SH3RF1: variants seen among roughly 807,000 people sequenced by gnomAD.
SH3RF1 encodes E3 ubiquitin-protein ligase SH3RF1.
Under a neutral mutation model 74.0 loss-of-function variants are expected in SH3RF1, and 32 were observed. That is an observed-to-expected ratio of 0.43 (90% CI 0.33 to 0.58). SH3RF1 has a LOEUF of 0.58. Ranked by LOEUF, SH3RF1 falls within the 20% of genes least tolerant of loss-of-function variation. SH3RF1 has a pLI of 0.05. For missense variants in SH3RF1, 954 were observed against 1,130.9 expected (o/e 0.84, Z 2.24); for synonymous variants, 396 against 439.6 (o/e 0.90, Z 1.24).
rs746628451 is a variant in SH3RF1, at chr4:169,130,089, G to C, written c.1136C>G (p.Ser379Trp). The C allele has an allele frequency of 6.2e-7, 1 of 1,613,434 alleles. No individual in the cohort carries two copies. Among genetic ancestry groups the C allele is most frequent in the Non-Finnish European group, 8.5e-7 (1 of 1,179,816 alleles). ...PPSSPVTTGP[S>W]FTFPSDVPYQ... is the part of the protein sequence containing the mutation. ...GGGAACATCTGATGGGAAAGTAAAC[G>C]AGGGGCCAGTTGTCACTGGGCTGCT... The change falls in exon 6 of 12, where the codon TCG becomes TGG. Residue 379 changes from serine (S) to tryptophan (W), a missense_variant. Around this residue, in one of 3 missense-constraint regions of SH3RF1, gnomAD observed 854 missense variants for 962.5 expected, o/e 0.89. Coordinates refer to ENST00000284637, the MANE Select transcript of SH3RF1 (RefSeq NM_020870.4).
chr4:169,197,593 C>T (rs573367927), intron 2 of SH3RF1, among the ~76,000 whole-genome samples: 1 of 131,384 alleles, frequency 7.6e-6, no homozygotes, highest in South Asian at 2.6e-4. Flanking sequence ...CACTGTACTC[C>T]AGCCTGGGCG....
intron 4 of SH3RF1, among the ~76,000 whole-genome samples, chr4:169,138,968 G>T (rs189868144): frequency 1.3e-5 from 2 of 152,084 alleles, no homozygotes; most frequent in African/African-American, 2.4e-5. Flanking sequence ...TGGGGGGACT[G>T]GGGGGAAAGG....
intron 10 of SH3RF1, among the ~76,000 whole-genome samples, chr4:169,107,708 A>G (rs1733169624): frequency 6.6e-6 from 1 of 152,256 alleles, no homozygotes; most frequent in South Asian, 2.1e-4. Flanking sequence ...TAAACCTGAC[A>G]GCACTCTATT....
chr4:169,172,764 A>T (rs1579118996), intron 2 of SH3RF1, among the ~76,000 whole-genome samples: 1 of 152,108 alleles, frequency 6.6e-6, no homozygotes, highest in Admixed American at 6.6e-5. Flanking sequence ...GGAGAGAAAG[A>T]CCCACCAATT....
chr4:169,099,410 G>A (rs1248821750), intron 11 of SH3RF1, among the ~76,000 whole-genome samples: 3 of 152,150 alleles, frequency 2.0e-5, no homozygotes, highest in African/African-American at 7.2e-5. Flanking sequence ...TTAAAAGCAA[G>A]ACAAATAATT....
chr4:169,117,554 T>C lies in SH3RF1; in HGVS notation c.1746A>G (p.Thr582=), dbSNP rs774162884. ...KVLLHMTGQM[T]VNQARNAVRT... ...TCACAGCATTGCGGGCCTGGTTGAC[T>C]GTCATTTGCCCCGTCATGTGCAACA... The change falls in exon 9 of 12, where the codon ACA becomes ACG. Residue 582 remains threonine (T), a synonymous_variant. Transcript: ENST00000284637. The C allele has an allele frequency of 1.2e-6, 2 of 1,614,270 alleles. No homozygotes were observed. Among genetic ancestry groups the C allele is most frequent in the African/African-American group, 1.3e-5 (1 of 75,080 alleles).
rs1337962236 is a variant in SH3RF1 at position 169,096,336 on chromosome 4, C to A, written c.*183G>T. On this transcript the variant is annotated 3_prime_UTR_variant, in exon 12 of 12. Transcript: ENST00000284637. ...TACATCCGAATCCAGACTAACAAAA[C>A]CCACACAAACATCTTCTTCATTCTG... The A allele has an allele frequency of 3.3e-6, 2 of 612,202 alleles. No individual in the cohort carries two copies. The highest frequency in any genetic ancestry group is 5.5e-6 in the Non-Finnish European group (2 of 360,698). The allele number at this position is 612,202 out of a possible 1,614,324, so 37.9% of individuals were successfully genotyped here. A position where few individuals can be genotyped will look rare whatever the true frequency, so the allele number is the denominator to read the frequency against.
chr4:169,247,920 G>T (rs1731030893), intron 2 of SH3RF1, among the ~76,000 whole-genome samples: 1 of 152,108 alleles, frequency 6.6e-6, no homozygotes. Flanking sequence ...TTAGAGAAAT[G>T]CAAATCAAAG....
intron 2 of SH3RF1, among the ~76,000 whole-genome samples, chr4:169,248,497 G>A (rs1013868180): frequency 4.6e-5 from 7 of 152,084 alleles, no homozygotes; most frequent in African/African-American, 1.7e-4. Context: ...TGGGGTGGGA[G>A]GCAAGGAAAG....
At position 169,096,602 on chromosome 4, in the gene SH3RF1, G is replaced by A. The variant is rs757448855; in HGVS notation, c.2584C>T (p.Arg862Ter). 5 of 1,613,916 alleles carry A rather than the reference G, an allele frequency of 3.1e-6. No homozygotes were observed. The African/African-American group carries it at 5.3e-5, about 17-fold the overall frequency. The change falls in exon 12 of 12, where the codon CGA becomes TGA. Residue 862 changes from arginine (R) to a stop codon, truncating the protein, a stop_gained. Transcript: ENST00000284637. LOFTEE classifies it high-confidence loss of function. ...EGDIVFVHKK[R>*]EDGWFKGTLQ... ...GTGCCTTTGAACCAGCCATCCTCTC[G>A]TTTTTTATGAACAAACACAATATCT...
chr4:169,114,684 TAAC>T (rs1325693784), intron 10 of SH3RF1, among the ~76,000 whole-genome samples: 2 of 152,222 alleles, frequency 1.3e-5, no homozygotes, highest in Non-Finnish European at 2.9e-5. Flanking sequence ...ATAAATATAT[TAAC>T]AAAGTTGAAC....
chr4:169,116,226 GAAGT>G, intron 10 of SH3RF1, 39 bp downstream of exon 10: 2 of 1,542,004 alleles, frequency 1.3e-6, no homozygotes, highest in Non-Finnish European at 1.7e-6. Context: ...GAAAAACAGG[GAAGT>G]AAGTAAAGCA....
chr4:169,260,972 G>C (rs1731268679), intron 2 of SH3RF1, among the ~76,000 whole-genome samples: 1 of 152,112 alleles, frequency 6.6e-6, no homozygotes, highest in Non-Finnish European at 1.5e-5. Flanking sequence ...AGAGAGGTTG[G>C]TACTCCACTC....
chr4:169,105,120 T>C (rs753155605), intron 11 of SH3RF1, among the ~76,000 whole-genome samples: 10 of 152,056 alleles, frequency 6.6e-5, no homozygotes, highest in African/African-American at 9.7e-5. Context: ...CATAACACTT[T>C]ATAGTAAGAT....
intron 2 of SH3RF1, among the ~76,000 whole-genome samples, chr4:169,197,808 C>T (rs1734841643): frequency 6.6e-6 from 1 of 151,964 alleles, no homozygotes; most frequent in Non-Finnish European, 1.5e-5. Flanking sequence ...GAAATTTCTT[C>T]AGCGCTTTTT....
At chr4:169,205,328 G>A (rs1730236682) in intron 2 of SH3RF1, among the ~76,000 whole-genome samples, 1 of 152,204 alleles carries the variant, frequency 6.6e-6, no homozygotes, top group Admixed American at 6.5e-5. Context: ...ACATGTGTAT[G>A]TCTTTGGAGA....
At chr4:169,249,102 C>T (rs1731057093) in intron 2 of SH3RF1, among the ~76,000 whole-genome samples, 1 of 152,122 alleles carries the variant, frequency 6.6e-6, no homozygotes, top group Non-Finnish European at 1.5e-5. Flanking sequence ...GTGGTGGGCG[C>T]CTGTAGTCCC....
rs144187577 is a variant in SH3RF1, at chr4:169,157,927, T to C, written c.394-1248A>G. Reference sequence around the variant, plus strand: ...GGCTCATTTTTGTATTTTTACAAAATGGGGTCTCGCCATGTTGGCCAGGCT... The same window carrying C: ...GGCTCATTTTTGTATTTTTACAAAACGGGGTCTCGCCATGTTGGCCAGGCT... On this transcript the variant is annotated intron_variant, in intron 2 of 11. Transcript: ENST00000284637. Among the ~76,000 whole-genome samples the C allele has an allele frequency of 4.4e-3, 483 of 110,112 alleles. 2 individuals carry two copies. The highest frequency in any genetic ancestry group is 0.02 in the South Asian group (69 of 3,380). The allele number at this position is 110,112 out of a possible 152,430, so 72.2% of individuals were successfully genotyped here.
At chr4:169,161,659 T>C (rs1734149582) in intron 2 of SH3RF1, among the ~76,000 whole-genome samples, 1 of 152,200 alleles carries the variant, frequency 6.6e-6, no homozygotes, top group South Asian at 2.1e-4. Context: ...AAAGATTCAG[T>C]GACCTCCTAA....
Sources: allele counts gnomAD v4.1 joint callset (sites outside exome capture counted in the v4.1 genomes callset), GRCh38; gene constraint gnomAD v4.1.1; regional missense constraint gnomAD v4.1.1; transcripts MANE v1.5; gene names NCBI Gene and HGNC (gene_info 2026-07-23, HGNC 2026-07-21).